Variants in COMMD1 observed in about 807,000 individuals in gnomAD.
COMMD1 encodes copper metabolism domain containing 1, also known as COMM domain-containing protein 1.
COMMD1 carries 10 observed loss-of-function variants against 17.2 expected under a neutral mutation model. That is an observed-to-expected ratio of 0.58 (90% CI 0.36 to 0.99). The LOEUF (loss-of-function observed/expected upper bound fraction) is 0.99, where lower values mean the gene tolerates loss of function less well. Among genes scored for constraint, COMMD1 ranks in the 50% least tolerant of loss-of-function variants. The pLI is 0.01. For missense variants in COMMD1, 270 were observed against 231.8 expected, an observed-to-expected ratio of 1.17 and a Z score of -1.07; for synonymous variants, 97 against 91.6, an observed-to-expected ratio of 1.06 and a Z score of -0.34.
chr2:61,984,691 T>C (rs1350544605), intron 1 of COMMD1, among the ~76,000 whole-genome samples: 1 of 152,232 alleles, frequency 6.6e-6, no homozygotes, highest in East Asian at 1.9e-4. Context: ...ATAGTGCAGA[T>C]GAAGTTAAAT....
At chr2:62,076,084 A>G (rs1558588374) in intron 2 of COMMD1, among the ~76,000 whole-genome samples, 1 of 152,208 alleles carries the variant, frequency 6.6e-6, no homozygotes, top group African/African-American at 2.4e-5. Context: ...GAGCTTTGCA[A>G]AAGGACTCAG....
In COMMD1 at chr2:61,915,765, G is replaced by A. The variant is rs114265441; in HGVS notation, c.180+9907G>A. 4.6e-3 allele frequency: 2,040 copies of A among 445,670 alleles called. 10 individuals carry two copies. Among genetic ancestry groups the A allele is most frequent in the Non-Finnish European group, 7.6e-3 (1,679 of 221,102 alleles). 27.6% of individuals were successfully genotyped at this position (445,670 alleles called of 1,614,324 possible). A position where few individuals can be genotyped will look rare whatever the true frequency, so the allele number is the denominator to read the frequency against. On this transcript the variant is annotated intron_variant, in intron 1 of 2. Coordinates refer to ENST00000311832, the MANE Select transcript of COMMD1 (RefSeq NM_152516.4). ...TCTCTCTTTAGCCTCCCAATTGCTG[G>A]GATTACAGGTATGAGCCACCACGCT...
rs575302842 is a variant in COMMD1 at position 62,023,810 on chromosome 2, A to G, written c.462+22828A>G. Among the ~76,000 whole-genome samples the G allele has an allele frequency of 2.4e-3, 361 of 152,294 alleles. 2 individuals carry two copies. The highest frequency in any genetic ancestry group is 7.4e-3 in the African/African-American group (307 of 41,562). ...TATTGTGGAATTTATGTGGTAGAAA[A>G]TTAGAAACAACTGAATGTCCAATAA... On this transcript the variant is annotated intron_variant, in intron 2 of 2. Transcript: ENST00000311832.
chr2:61,936,027 G>C (rs1192686731), intron 1 of COMMD1, among the ~76,000 whole-genome samples: 1 of 152,134 alleles, frequency 6.6e-6, no homozygotes, highest in African/African-American at 2.4e-5. Context: ...ATGTTGCCCA[G>C]GCTGGTCTCA....
intron 2 of COMMD1, among the ~76,000 whole-genome samples, chr2:62,134,248 A>T (rs940484083): frequency 2.0e-5 from 3 of 152,206 alleles, no homozygotes; most frequent in Non-Finnish European, 4.4e-5. Flanking sequence ...GTATATTCTG[A>T]TACTTTTCAG....
At chr2:61,964,084 G>A (rs1393683702) in intron 1 of COMMD1, among the ~76,000 whole-genome samples, 2 of 152,206 alleles carry the variant, frequency 1.3e-5, no homozygotes, top group African/African-American at 4.8e-5. Flanking sequence ...GAAGTAGATA[G>A]TGTTTCCCAT....
intron 2 of COMMD1, among the ~76,000 whole-genome samples, chr2:62,037,114 A>C (rs1364231249): frequency 6.6e-6 from 1 of 152,194 alleles, no homozygotes; most frequent in Admixed American, 6.5e-5. Context: ...CTTGGAAATA[A>C]TCCTTTATTT....
intron 2 of COMMD1, among the ~76,000 whole-genome samples, chr2:62,065,389 A>G (rs1252494348): frequency 1.7e-5 from 2 of 121,124 alleles, no homozygotes; most frequent in African/African-American, 6.4e-5. Flanking sequence ...TCTGTTACCC[A>G]GGCTAAAGTG....
chr2:62,000,270 ATT>A (rs370727672), intron 1 of COMMD1, among the ~76,000 whole-genome samples: 110 of 127,248 alleles, frequency 8.6e-4, no homozygotes, highest in Admixed American at 8.8e-4. Flanking sequence ...ATTTCAGTGA[ATT>A]TTTTTTTTTT....
intron 2 of COMMD1, among the ~76,000 whole-genome samples, chr2:62,115,849 TTTCTTTC>T (rs1672579436): frequency 8.6e-6 from 1 of 115,960 alleles, no homozygotes; most frequent in African/African-American, 3.8e-5. Context: ...TCTTTCTTTC[TTTCTTTC>T]TTTCTTTTTT....
At chr2:62,090,955 C>T (rs1425411698) in intron 2 of COMMD1, among the ~76,000 whole-genome samples, 1 of 152,198 alleles carries the variant, frequency 6.6e-6, no homozygotes, top group Non-Finnish European at 1.5e-5. Context: ...GGTGCCTGTG[C>T]TCTGAGAATA....
At chr2:62,006,589 C>G (rs982330096) in intron 2 of COMMD1, among the ~76,000 whole-genome samples, 1 of 151,994 alleles carries the variant, frequency 6.6e-6, no homozygotes, top group Non-Finnish European at 1.5e-5. Flanking sequence ...AAACATGATT[C>G]AATTGTAAAA....
intron 2 of COMMD1, among the ~76,000 whole-genome samples, chr2:62,038,272 A>T (rs1376632830): frequency 6.6e-6 from 1 of 152,208 alleles, no homozygotes; most frequent in Admixed American, 6.5e-5. Flanking sequence ...TGGGTGACGG[A>T]GTGAGACTCT....
intron 2 of COMMD1, among the ~76,000 whole-genome samples, chr2:62,001,421 G>A (rs770855725): frequency 8.5e-5 from 13 of 152,138 alleles, no homozygotes; most frequent in Admixed American, 2.0e-4. Context: ...TACATTGTTC[G>A]TAAAGACCCC....
At chr2:62,047,303 CTTTA>C (rs1481331507) in intron 2 of COMMD1, among the ~76,000 whole-genome samples, 27 of 152,228 alleles carry the variant, frequency 1.8e-4, no homozygotes, top group South Asian at 4.1e-4. Flanking sequence ...AGTACAATTA[CTTTA>C]TTTAGTGTAG....
intron 2 of COMMD1, among the ~76,000 whole-genome samples, chr2:62,048,181 T>TC (rs1171047021): frequency 1.6e-4 from 21 of 130,564 alleles, no homozygotes; most frequent in African/African-American, 7.0e-4. Context: ...GAACTAAATT[T>TC]CTTTTTTTTT....
At chr2:61,905,610 A>G, upstream of COMMD1, 1 of 1,437,630 alleles carries the variant, frequency 7.0e-7, no homozygotes, top group East Asian at 2.5e-5. Flanking sequence ...TGCACAGGCT[A>G]TTTAGGCACA....
chr2:62,040,090 A>G (rs1670147620), intron 2 of COMMD1, among the ~76,000 whole-genome samples: 1 of 152,108 alleles, frequency 6.6e-6, no homozygotes, highest in Admixed American at 6.6e-5. Flanking sequence ...CCCTGTCTAC[A>G]AAAATTACAA....
intron 1 of COMMD1, among the ~76,000 whole-genome samples, chr2:61,914,221 T>G (rs1333738090): frequency 1.3e-5 from 2 of 152,024 alleles, no homozygotes; most frequent in East Asian, 3.8e-4. Context: ...TAAATTATGT[T>G]TTGAAGTTGG....
Sources: allele counts gnomAD v4.1 joint callset (sites outside exome capture counted in the v4.1 genomes callset), GRCh38; gene constraint gnomAD v4.1.1; transcripts MANE v1.5; gene names NCBI Gene and HGNC (gene_info 2026-07-23, HGNC 2026-07-21).